SEMA5A: variants seen among roughly 807,000 people sequenced by gnomAD.
The protein encoded by SEMA5A is semaphorin-5A.
Under a neutral mutation model 135.5 loss-of-function variants are expected in SEMA5A, and 55 were observed. That is an observed-to-expected ratio of 0.41 (90% CI 0.33 to 0.51). SEMA5A has a LOEUF of 0.51. Ranked by LOEUF, SEMA5A falls within the 20% of genes least tolerant of loss-of-function variation. SEMA5A has a pLI of 0.37. For synonymous variants in SEMA5A, 580 were observed against 546.5 expected (o/e 1.06, Z -0.85); for missense variants, 1,290 against 1,419.9 (o/e 0.91, Z 1.47).
chr5:9,337,570 T>A, intron 4 of SEMA5A, 143 bp downstream of exon 4: 1 of 572,880 alleles, frequency 1.7e-6, no homozygotes, highest in Non-Finnish European at 3.1e-6. Context: ...GTATATTTTA[T>A]GACACTCATA....
intron 2 of SEMA5A, among the ~76,000 whole-genome samples, chr5:9,423,084 GAT>G (rs1757526264): frequency 6.6e-6 from 1 of 152,084 alleles, no homozygotes; most frequent in Non-Finnish European, 1.5e-5. Context: ...TGTATTAGCT[GAT>G]ATCTTACCAC....
At chr5:9,244,832 C>G (rs1216909774) in intron 5 of SEMA5A, among the ~76,000 whole-genome samples, 1 of 152,198 alleles carries the variant, frequency 6.6e-6, no homozygotes, top group East Asian at 1.9e-4. Context: ...TGTTGCACCT[C>G]TGTGGCAAAA....
intron 5 of SEMA5A, among the ~76,000 whole-genome samples, chr5:9,284,854 G>T (rs1164206330): frequency 1.3e-5 from 2 of 152,192 alleles, no homozygotes; most frequent in East Asian, 3.9e-4. Flanking sequence ...TTCAATTATA[G>T]TTCTATTCTA....
At chr5:9,128,143 T>C (rs1335048661) in intron 13 of SEMA5A, among the ~76,000 whole-genome samples, 2 of 152,144 alleles carry the variant, frequency 1.3e-5, no homozygotes, top group Admixed American at 1.3e-4. Flanking sequence ...TTCCTCACCA[T>C]TGTGAGGTGG....
intron 1 of SEMA5A, among the ~76,000 whole-genome samples, chr5:9,490,808 C>T (rs903766404): frequency 6.6e-6 from 1 of 152,314 alleles, no homozygotes; most frequent in East Asian, 1.9e-4. Context: ...CACACTTAGG[C>T]AAGACTTAAA....
intron 16 of SEMA5A, among the ~76,000 whole-genome samples, chr5:9,085,119 CT>C (rs1312804202): frequency 6.6e-6 from 1 of 152,152 alleles, no homozygotes; most frequent in Admixed American, 6.5e-5. Context: ...CAAGTGGTGA[CT>C]TGGGTGCTGT....
At chr5:9,289,668 TA>T (rs76887324) in intron 5 of SEMA5A, among the ~76,000 whole-genome samples, 260 of 141,986 alleles carry the variant, frequency 1.8e-3, no homozygotes, top group East Asian at 3.0e-3. Context: ...GTCTCAAAAA[TA>T]AAAAAAAAAA....
intron 3 of SEMA5A, among the ~76,000 whole-genome samples, chr5:9,344,561 G>A (rs1341162600): frequency 6.6e-6 from 1 of 152,146 alleles, no homozygotes; most frequent in Non-Finnish European, 1.5e-5. Context: ...ATAAGTGAAG[G>A]AGGAGTACCC....
rs566644484 is a variant in SEMA5A, at chr5:9,394,538, G to T, written c.-77-14515C>A. ...CACCAAAGTTTCTTGCACGTAGAAA[G>T]TACCTAATATTTATGGAATGAACAT... On this transcript the variant is annotated intron_variant, in intron 2 of 22. Coordinates refer to ENST00000382496, the MANE Select transcript of SEMA5A (RefSeq NM_003966.3). Among the ~76,000 whole-genome samples the T allele has an allele frequency of 7.5e-4, 114 of 152,230 alleles. 1 individual carries two copies. The highest frequency in any genetic ancestry group is 2.6e-3 in the African/African-American group (109 of 41,534).
chr5:9,176,959 A>G (rs1356377134), intron 11 of SEMA5A, among the ~76,000 whole-genome samples: 1 of 152,224 alleles, frequency 6.6e-6, no homozygotes, highest in Admixed American at 6.5e-5. Context: ...AAAATAACCC[A>G]AGGATTTCCT....
intron 5 of SEMA5A, among the ~76,000 whole-genome samples, chr5:9,244,298 G>A (rs1456915504): frequency 6.6e-6 from 1 of 152,162 alleles, no homozygotes; most frequent in African/African-American, 2.4e-5. Flanking sequence ...AAGTCATCTA[G>A]AAAATTCTGC....
At chr5:9,265,974 G>A (rs550274440) in intron 5 of SEMA5A, among the ~76,000 whole-genome samples, 3 of 152,154 alleles carry the variant, frequency 2.0e-5, no homozygotes, top group East Asian at 3.9e-4. Context: ...CTTGCCCCAC[G>A]GCTGCCCTGC....
intron 1 of SEMA5A, among the ~76,000 whole-genome samples, chr5:9,535,374 T>C (rs904177934): frequency 6.6e-6 from 1 of 151,534 alleles, no homozygotes; most frequent in Non-Finnish European, 1.5e-5. Flanking sequence ...ACTTTCGGAG[T>C]CAGCGTGGAA....
At chr5:9,296,765 A>G (rs1359242855) in intron 5 of SEMA5A, among the ~76,000 whole-genome samples, 1 of 152,084 alleles carries the variant, frequency 6.6e-6, no homozygotes, top group Non-Finnish European at 1.5e-5. Flanking sequence ...TTATGAAAAA[A>G]TGTCTTCTGT....
At chr5:9,284,902 AC>A (rs1475583413) in intron 5 of SEMA5A, among the ~76,000 whole-genome samples, 1 of 152,156 alleles carries the variant, frequency 6.6e-6, no homozygotes, top group East Asian at 1.9e-4. Flanking sequence ...GGCAGCCAGA[AC>A]CCTGCCCAAG....
At chr5:9,285,509 AT>A (rs1200429116) in intron 5 of SEMA5A, among the ~76,000 whole-genome samples, 1 of 152,218 alleles carries the variant, frequency 6.6e-6, no homozygotes, top group African/African-American at 2.4e-5. Flanking sequence ...AATTAAACAC[AT>A]TGTTTAACAC....
intron 5 of SEMA5A, among the ~76,000 whole-genome samples, chr5:9,289,870 CT>C (rs1287596736): frequency 6.6e-6 from 1 of 151,976 alleles, no homozygotes; most frequent in African/African-American, 2.4e-5. Context: ...TGAAACTTCC[CT>C]TTTGGGAGTT....
chr5:9,428,110 A>ATTCAACTC (rs1757727460), intron 2 of SEMA5A, among the ~76,000 whole-genome samples: 5 of 141,040 alleles, frequency 3.5e-5, no homozygotes, highest in African/African-American at 1.4e-4. Flanking sequence ...ATATATATAT[A>ATTCAACTC]TATATATTCA....
At chr5:9,380,756 A>G (rs1755564875) in intron 2 of SEMA5A, among the ~76,000 whole-genome samples, 1 of 152,230 alleles carries the variant, frequency 6.6e-6, no homozygotes, top group African/African-American at 2.4e-5. Flanking sequence ...CTGTAAAAAT[A>G]ACTATAATCC....
Sources: allele counts gnomAD v4.1 joint callset (sites outside exome capture counted in the v4.1 genomes callset), GRCh38; gene constraint gnomAD v4.1.1; transcripts MANE v1.5; gene names NCBI Gene and HGNC (gene_info 2026-07-23, HGNC 2026-07-21).